SCLT1: variants seen among roughly 807,000 people sequenced by gnomAD.
SCLT1 encodes the protein sodium channel and clathrin linker 1.
A neutral mutation model predicts 112.8 loss-of-function variants in SCLT1; 78 were observed. The observed-to-expected ratio is 0.69, with a 90% CI of 0.58 to 0.83. SCLT1 has a LOEUF of 0.83. Among genes scored for constraint, SCLT1 ranks in the 40% least tolerant of loss-of-function variants. SCLT1 has a pLI of 0.00. For missense variants in SCLT1, 747 were observed against 770.4 expected (o/e 0.97, Z 0.36); for synonymous variants, 257 against 254.7 (o/e 1.01, Z -0.09).
Position 128,965,824 on chromosome 4 carries a change from C to G in SCLT1, c.778-506G>C, listed in dbSNP as rs568710871. Among the ~76,000 whole-genome samples the G allele has an allele frequency of 3.4e-5, 5 of 146,476 alleles. No homozygotes were observed. The South Asian group carries it at 1.1e-3, about 32-fold the overall frequency. ...TGTTAACAAATATTTTTTATGATGC[C>G]ATAACTTTTTTTTTTTTTTTTTTTT... On this transcript the variant is annotated intron_variant, in intron 10 of 20. Transcript: ENST00000281142.
At chr4:128,956,464 C>T (rs1739222939) in intron 13 of SCLT1, among the ~76,000 whole-genome samples, 2 of 151,876 alleles carry the variant, frequency 1.3e-5, no homozygotes, top group Admixed American at 1.3e-4. Context: ...TTGGACTCTG[C>T]CTTAAATTAA....
intron 18 of SCLT1, among the ~76,000 whole-genome samples, chr4:128,931,999 G>GTTGTCC (rs950544839): frequency 6.8e-6 from 1 of 146,406 alleles, no homozygotes; most frequent in African/African-American, 2.5e-5. Context: ...TCACTGGTAT[G>GTTGTCC]TTGTCCATCT....
intron 9 of SCLT1, among the ~76,000 whole-genome samples, chr4:128,985,434 G>T (rs946072460): frequency 1.3e-5 from 2 of 152,172 alleles, no homozygotes; most frequent in African/African-American, 2.4e-5. Context: ...ATTGCTGAGT[G>T]TGAAGTAGTA....
chr4:128,930,285 A>C (rs1164325401), intron 18 of SCLT1, among the ~76,000 whole-genome samples: 1 of 152,210 alleles, frequency 6.6e-6, no homozygotes, highest in Non-Finnish European at 1.5e-5. Flanking sequence ...GTATCTGGCC[A>C]TAAATAGGAA....
Position 129,029,402 on chromosome 4 carries a change from T to G in SCLT1, c.290+9639A>C, listed in dbSNP as rs373604293. 9.2e-5 allele frequency among the ~76,000 whole-genome samples: 14 copies of G among 151,856 alleles called. No individual in the cohort carries two copies. The East Asian group carries it at 9.7e-4, about 10-fold the overall frequency. ...GAGACATGGATGAAGCTGGAAACCA[T>G]CATTCTCAGCAAACTGTCTCAAGGA... On this transcript the variant is annotated intron_variant, in intron 5 of 20. Transcript: ENST00000281142.
intron 18 of SCLT1, among the ~76,000 whole-genome samples, chr4:128,934,591 C>T (rs181828638): frequency 6.6e-6 from 1 of 151,674 alleles, no homozygotes; most frequent in East Asian, 1.9e-4. Flanking sequence ...AGATTTGTTG[C>T]TAGGTATTTG....
intron 2 of SCLT1, among the ~76,000 whole-genome samples, chr4:129,062,673 G>C (rs939660051): frequency 6.6e-6 from 1 of 151,870 alleles, no homozygotes; most frequent in African/African-American, 2.4e-5. Flanking sequence ...AAGCATTCTT[G>C]GTTGACTTTT....
At chr4:128,909,200 T>G (rs1416135230) in intron 18 of SCLT1, among the ~76,000 whole-genome samples, 1 of 152,216 alleles carries the variant, frequency 6.6e-6, no homozygotes, top group African/African-American at 2.4e-5. Flanking sequence ...ATCTACCTGG[T>G]CTACCACCCT....
intron 7 of SCLT1, among the ~76,000 whole-genome samples, chr4:128,999,372 C>G (rs1218663016): frequency 1.3e-5 from 2 of 151,774 alleles, no homozygotes; most frequent in Admixed American, 1.3e-4. Context: ...GGAAATCAAG[C>G]AAATAAAAAC....
At chr4:128,965,037 C>G (rs1161849828) in intron 11 of SCLT1, among the ~76,000 whole-genome samples, 190 bp downstream of exon 11, 2 of 152,036 alleles carry the variant, frequency 1.3e-5, no homozygotes, top group Non-Finnish European at 2.9e-5. Flanking sequence ...AATATATATT[C>G]AAAGTATAGC....
At chr4:128,942,522 G>A (rs1410175818) in intron 17 of SCLT1, among the ~76,000 whole-genome samples, 1 of 151,906 alleles carries the variant, frequency 6.6e-6, no homozygotes, top group Non-Finnish European at 1.5e-5. Flanking sequence ...GAAAAGAAAG[G>A]GAATTTGTTT....
At chr4:128,880,096 C>G (rs1732608968), downstream of SCLT1, among the ~76,000 whole-genome samples, 1 of 152,168 alleles carries the variant, frequency 6.6e-6, no homozygotes, top group South Asian at 2.1e-4. Context: ...TAGATTACAT[C>G]TGGAAAATAT....
chr4:129,085,256 C>CA (rs574734940), intron 1 of SCLT1, among the ~76,000 whole-genome samples: 109 of 151,728 alleles, frequency 7.2e-4, no homozygotes, highest in East Asian at 3.9e-3. Flanking sequence ...AGCAAGCATA[C>CA]AAAAAAAAGC....
chr4:129,048,671 C>T lies in SCLT1; in HGVS notation c.103-4620G>A, dbSNP rs1261080457. 2.0e-5 allele frequency among the ~76,000 whole-genome samples: 3 copies of T among 152,120 alleles called. No homozygotes were observed. The East Asian group carries it at 5.8e-4, about 29-fold the overall frequency. ...AAGAGCTTCTGCATAGCAAAAGAAA[C>T]TACCCTCACAGTGAACAGGCAACCT... On this transcript the variant is annotated intron_variant, in intron 2 of 20. Coordinates refer to ENST00000281142, the MANE Select transcript of SCLT1 (RefSeq NM_144643.4).
At chr4:128,926,381 T>C (rs1379405399) in intron 18 of SCLT1, among the ~76,000 whole-genome samples, 1 of 152,178 alleles carries the variant, frequency 6.6e-6, no homozygotes, top group Non-Finnish European at 1.5e-5. Context: ...AAACTCTTGA[T>C]GTTTTGTCAG....
intron 9 of SCLT1, among the ~76,000 whole-genome samples, chr4:128,982,066 G>A (rs556369550): frequency 2.7e-4 from 41 of 152,284 alleles, no homozygotes; most frequent in African/African-American, 9.4e-4. Context: ...AGGTAGAGTT[G>A]GGACAGAAAA....
chr4:129,024,370 G>T (rs280599), intron 5 of SCLT1, among the ~76,000 whole-genome samples: 8 of 151,942 alleles, frequency 5.3e-5, no homozygotes, highest in African/African-American at 1.9e-4. Flanking sequence ...GAACGATCAG[G>T]CAGCAGCATT....
chr4:129,022,294 G>A (rs1353175330), intron 5 of SCLT1, among the ~76,000 whole-genome samples: 1 of 152,158 alleles, frequency 6.6e-6, no homozygotes, highest in East Asian at 1.9e-4. Flanking sequence ...AAAGAATGAG[G>A]TTAAAGAATT....
chr4:129,053,556 G>GTTTTTTTTTTT (rs1749035905), intron 2 of SCLT1, among the ~76,000 whole-genome samples: 1 of 32,416 alleles, frequency 3.1e-5, no homozygotes, highest in African/African-American at 1.3e-4. Flanking sequence ...TGCAATCCCT[G>GTTTTTTTTTTT]ATTTTTTTTT....
Sources: allele counts gnomAD v4.1 joint callset (sites outside exome capture counted in the v4.1 genomes callset), GRCh38; gene constraint gnomAD v4.1.1; transcripts MANE v1.5; gene names NCBI Gene and HGNC (gene_info 2026-07-23, HGNC 2026-07-21).